The following GRIK2 variants were observed in gnomAD, a reference collection of about 807,000 sequenced individuals.
The protein encoded by GRIK2 is glutamate ionotropic receptor kainate type subunit 2, also known as glutamate receptor ionotropic, kainate 2.
A neutral mutation model predicts 100.3 loss-of-function variants in GRIK2; 32 were observed. That is an observed-to-expected ratio of 0.32 (90% CI 0.24 to 0.43). The LOEUF is 0.43. Ranked by LOEUF, GRIK2 falls within the 20% of genes least tolerant of loss-of-function variation. The pLI is 1.00. For synonymous variants in GRIK2, 417 were observed against 389.4 expected (o/e 1.07, Z -0.83); for missense variants, 843 against 1,114.9 (o/e 0.76, Z 3.47).
chr6:101,924,540 C>G (rs1789762937), intron 12 of GRIK2, 61 bp from the exon 13 acceptor site: 1 of 852,254 alleles, frequency 1.2e-6, no homozygotes, highest in Admixed American at 1.9e-5. Flanking sequence ...GCAAAAAATG[C>G]TGGATAGAAT....
chr6:101,583,155 T>C (rs1057095862), intron 2 of GRIK2, among the ~76,000 whole-genome samples: 2 of 152,002 alleles, frequency 1.3e-5, no homozygotes, highest in South Asian at 2.1e-4. Context: ...ATTAAGCAAA[T>C]GTTTAGTGGA....
intron 2 of GRIK2, among the ~76,000 whole-genome samples, chr6:101,616,704 T>G (rs546687370): frequency 9.9e-5 from 15 of 151,858 alleles, no homozygotes; most frequent in African/African-American, 3.6e-4. Flanking sequence ...TTTTTAAAGC[T>G]TGATAGATTT....
chr6:101,871,551 C>T (rs979027574), intron 11 of GRIK2, among the ~76,000 whole-genome samples: 1 of 151,908 alleles, frequency 6.6e-6, no homozygotes, highest in East Asian at 1.9e-4. Context: ...TCTAGTAATC[C>T]CCAGTGTCTA....
chr6:101,482,330 A>G (rs546630645), intron 2 of GRIK2, among the ~76,000 whole-genome samples: 1 of 152,280 alleles, frequency 6.6e-6, no homozygotes, highest in Non-Finnish European at 1.5e-5. Context: ...TGCTTTATCG[A>G]CAGGCAAAAC....
At chr6:101,649,076 T>G (rs1036939407) in intron 4 of GRIK2, among the ~76,000 whole-genome samples, 1 of 152,036 alleles carries the variant, frequency 6.6e-6, no homozygotes, top group African/African-American at 2.4e-5. Context: ...CAATTCAAGG[T>G]GAGAATATGG....
chr6:101,476,999 A>C (rs1772268789), intron 2 of GRIK2, among the ~76,000 whole-genome samples: 1 of 152,178 alleles, frequency 6.6e-6, no homozygotes, highest in African/African-American at 2.4e-5. Flanking sequence ...GTTAATTTAA[A>C]TATTAATTGT....
chr6:101,704,315 T>G (rs1773106183), intron 7 of GRIK2, among the ~76,000 whole-genome samples: 1 of 151,682 alleles, frequency 6.6e-6, no homozygotes, highest in South Asian at 2.1e-4. Context: ...ATGTGTGAGG[T>G]GCTGGACAGT....
At position 101,922,133 on chromosome 6, in the gene GRIK2, TTCCTTCCC is replaced by T. The variant is rs1478495003; in HGVS notation, c.1749-2464_1749-2457del. ...CTTCCTTCCTTCCTTCCTTCCTTCCTTCCTTCCCTCCCTTCCTCCCTCACTCCTTCCTT... is the reference window on the plus strand; with the variant it reads ...CTTCCTTCCTTCCTTCCTTCCTTCCTTCCCTTCCTCCCTCACTCCTTCCTT... On this transcript the variant is annotated intron_variant, in intron 12 of 16. Coordinates refer to ENST00000369134, the MANE Select transcript of GRIK2 (RefSeq NM_021956.5). Among the ~76,000 whole-genome samples, 363 of 129,732 alleles carry T rather than the reference TTCCTTCCC, an allele frequency of 2.8e-3. 15 individuals carry two copies. The highest frequency in any genetic ancestry group is 8.8e-3 in the African/African-American group (284 of 32,130). The allele number at this position is 129,732 out of a possible 152,430, so 85.1% of individuals were successfully genotyped here.
At position 102,055,564 on chromosome 6, in the gene GRIK2, A is replaced by C. The variant is rs749348654; in HGVS notation, c.2546A>C (p.Asn849Thr). Residue 849 changes from asparagine to threonine, a missense_variant, in exon 16 of 17, where the codon AAC becomes ACC. Physicochemically the swap from Asn to Thr is moderately conservative, Grantham distance 65. Around this residue, in one of 3 missense-constraint regions of GRIK2, gnomAD observed 87 missense variants for 83.2 expected, o/e 1.05. Coordinates refer to ENST00000369134, the MANE Select transcript of GRIK2 (RefSeq NM_021956.5). The part of the protein sequence containing the change: ...VGEFLYKSKK[N>T]AQLEKRSFCS... ...GAATTTTTATACAAATCCAAAAAAA[A>C]CGCTCAATTGGAAAAGGTAAATGTT... 8.7e-6 allele frequency: 14 copies of C among 1,607,924 alleles called. No individual in the cohort carries two copies. The highest frequency in any genetic ancestry group is 1.7e-4 in the Middle Eastern group (1 of 6,028).
chr6:101,425,114 C>G (rs1174952232), intron 2 of GRIK2, among the ~76,000 whole-genome samples: 1 of 151,972 alleles, frequency 6.6e-6, no homozygotes, highest in Non-Finnish European at 1.5e-5. Context: ...TGAATAGTGC[C>G]GCAGTAAACA....
intron 10 of GRIK2, among the ~76,000 whole-genome samples, chr6:101,838,501 C>T (rs1783284617): frequency 6.6e-6 from 1 of 152,140 alleles, no homozygotes; most frequent in South Asian, 2.1e-4. Flanking sequence ...AGTGGAAACA[C>T]ACTGTCACAG....
At chr6:101,452,551 A>G (rs1770771991) in intron 2 of GRIK2, among the ~76,000 whole-genome samples, 1 of 151,794 alleles carries the variant, frequency 6.6e-6, no homozygotes, top group African/African-American at 2.4e-5. Context: ...GTTCCTCCAG[A>G]ACTGCTTGAC....
intron 15 of GRIK2, among the ~76,000 whole-genome samples, chr6:102,053,183 T>C (rs1476477530): frequency 6.6e-6 from 1 of 152,026 alleles, no homozygotes; most frequent in Non-Finnish European, 1.5e-5. Flanking sequence ...TCACAAACAC[T>C]ATCAACACAA....
chr6:101,432,624 T>C (rs1769471335), intron 2 of GRIK2, among the ~76,000 whole-genome samples: 2 of 152,204 alleles, frequency 1.3e-5, no homozygotes, highest in African/African-American at 4.8e-5. Context: ...GCACTTCTAT[T>C]TTGTCTTTTT....
At chr6:101,709,354 C>T (rs114225144) in intron 7 of GRIK2, among the ~76,000 whole-genome samples, 26 of 151,900 alleles carry the variant, frequency 1.7e-4, no homozygotes, top group African/African-American at 6.3e-4. Context: ...TTTGTTAAGG[C>T]AGTCCAGGAA....
intron 2 of GRIK2, among the ~76,000 whole-genome samples, chr6:101,603,339 A>G (rs1403490091): frequency 6.6e-6 from 1 of 151,736 alleles, no homozygotes; most frequent in African/African-American, 2.4e-5. Context: ...AGGACTGAAG[A>G]AAGAGGATAG....
At chr6:101,559,482 G>T (rs1191844182) in intron 2 of GRIK2, among the ~76,000 whole-genome samples, 1 of 151,846 alleles carries the variant, frequency 6.6e-6, no homozygotes, top group African/African-American at 2.4e-5. Context: ...ATGCTCCTTA[G>T]GTTGACCATA....
At chr6:101,402,168 C>T (rs1232020771) in intron 2 of GRIK2, among the ~76,000 whole-genome samples, 7 of 152,140 alleles carry the variant, frequency 4.6e-5, no homozygotes, top group South Asian at 2.1e-4. Context: ...GCCTCCCCCG[C>T]CCGTCTTCAG....
chr6:101,785,250 C>T (rs1459441577), intron 7 of GRIK2, among the ~76,000 whole-genome samples: 1 of 151,946 alleles, frequency 6.6e-6, no homozygotes, highest in Admixed American at 6.6e-5. Flanking sequence ...TTCTACCATT[C>T]AACAGGTTAT....
Sources: gnomAD v4.1 joint callset for allele counts (sites outside exome capture counted in the v4.1 genomes callset) on GRCh38, gnomAD v4.1.1 for gene constraint, gnomAD v4.1.1 regional missense constraint, MANE v1.5 for transcripts, NCBI Gene and HGNC (gene_info 2026-07-23, HGNC 2026-07-21) for gene names.